Variants in RADIL observed in about 807,000 individuals in gnomAD.
The protein encoded by RADIL is Rap associating with DIL domain, also known as ras-associating and dilute domain-containing protein.
RADIL carries 99 observed loss-of-function variants against 97.6 expected under a neutral mutation model. The ratio of observed to expected loss-of-function variants is 1.01; its 90% CI spans 0.86 to 1.20. RADIL has a LOEUF of 1.20. Ranked by LOEUF, RADIL falls within the 50% of genes most tolerant of loss-of-function variation. The probability of loss-of-function intolerance (pLI) is 0.00; values close to 1 mark genes in which losing one functional copy is unlikely to be tolerated. For synonymous variants in RADIL, 803 were observed against 691.8 expected (o/e 1.16, Z -2.52); for missense variants, 1,765 against 1,498.9 (o/e 1.18, Z -2.93).
At chr7:4,859,884 C>T (rs1308002726) in intron 2 of RADIL, 1 of 1,554,706 alleles carries the variant, frequency 6.4e-7, no homozygotes, top group South Asian at 1.1e-5. Flanking sequence ...CAAGAATATC[C>T]TCTAGACTCC....
intron 2 of RADIL, chr7:4,858,407 T>G (rs970806944): frequency 3.9e-5 from 6 of 152,354 alleles, no homozygotes; most frequent in Non-Finnish European, 8.8e-5. Flanking sequence ...CTCTACTGCT[T>G]AATTATGAGA....
intron 5 of RADIL, among the ~76,000 whole-genome samples, chr7:4,827,066 A>T (rs982430654): frequency 6.6e-6 from 1 of 152,136 alleles, no homozygotes; most frequent in Admixed American, 6.6e-5. Context: ...TTCTAGGCCA[A>T]TAAGAATCAT....
Position 4,834,980 on chromosome 7 carries a change from C to A in RADIL, c.1043G>T (p.Gly348Val), listed in dbSNP as rs1307047129. ...CTTGAATAGCAGCAGGTAGTAGAGCCCCAGGGAGAGCAGGTCCCCGTGGTG... is the reference window on the plus strand; with the variant it reads ...CTTGAATAGCAGCAGGTAGTAGAGCACCAGGGAGAGCAGGTCCCCGTGGTG... ...VLHHGDLLSL[G>V]LYYLLLFKDP... Residue 348 changes from glycine to valine, a missense_variant, in exon 4 of 15, where the codon GGG (glycine) becomes GTG (valine). Physicochemically the swap from Gly to Val is moderately radical, Grantham distance 109. Coordinates refer to ENST00000399583, the MANE Select transcript of RADIL (RefSeq NM_018059.5). The surrounding 1 kb of genome is among the most constrained non-coding windows in gnomAD (Gnocchi z 6.0). 6.2e-7 allele frequency: 1 copy of A among 1,610,800 alleles called. No individual in the cohort carries two copies. Among genetic ancestry groups the A allele is most frequent in the Non-Finnish European group, 8.5e-7 (1 of 1,179,180 alleles).
rs1784282767 is a variant in RADIL at position 4,872,704 on chromosome 7, A to G, written c.535+4901T>C. Reference sequence around the variant, plus strand: ...GGAAATCAGGGGGAACCTGGTGGCTATGAGAAGGAGACATTTATGGAAAAC... The same window carrying G: ...GGAAATCAGGGGGAACCTGGTGGCTGTGAGAAGGAGACATTTATGGAAAAC... On this transcript the variant is annotated intron_variant, in intron 2 of 14. Coordinates refer to ENST00000399583, the MANE Select transcript of RADIL (RefSeq NM_018059.5). The surrounding 1 kb of genome is among the most constrained non-coding windows in gnomAD (Gnocchi z 5.8). 6.6e-6 allele frequency among the ~76,000 whole-genome samples: 1 copy of G among 152,150 alleles called. No homozygotes were observed. The highest frequency in any genetic ancestry group is 2.1e-4 in the South Asian group (1 of 4,828).
chr7:4,801,752 C>A lies in RADIL; in HGVS notation c.2743G>T (p.Gly915Trp), dbSNP rs190559381. ...CCGGACTCTGGCCAGTCGGGGTCCC[C>A]AGGCTCAGGGCCAAGTGGAGTGCTG... The part of the protein sequence containing the change: ...PPSTPLGPEP[G>W]DPDWPESGGP... The change falls in exon 12 of 15, where the codon GGG becomes TGG. Residue 915 changes from glycine (G) to tryptophan (W), a missense_variant. Physicochemically the swap from Gly to Trp is radical, Grantham distance 184. Transcript: ENST00000399583. 799 of 1,610,624 alleles carry A rather than the reference C, an allele frequency of 5.0e-4. 6 individuals are homozygous for A. The African/African-American group carries it at 7.9e-3, about 16-fold the overall frequency.
chr7:4,870,847 G>A (rs1484307359), intron 2 of RADIL, among the ~76,000 whole-genome samples: 1 of 152,148 alleles, frequency 6.6e-6, no homozygotes, highest in African/African-American at 2.4e-5. Flanking sequence ...GTAGCTGGAC[G>A]TCACCCGAGT....
Position 4,834,052 on chromosome 7 carries a change from G to A in RADIL, c.1416+555C>T, listed in dbSNP as rs1047269462. ...CTCCTGCCACAGTGTCCACAGGGCC[G>A]GGGATGAGAGAGGCTGGCCTGGAGG... On this transcript the variant is annotated intron_variant, in intron 4 of 14. Transcript: ENST00000399583. This position sits in a 1 kb window ranked among gnomAD's most constrained non-coding sequence, Gnocchi z 6.0. 6.6e-6 allele frequency among the ~76,000 whole-genome samples: 1 copy of A among 152,172 alleles called. No individual in the cohort carries two copies. Among genetic ancestry groups the A allele is most frequent in the Non-Finnish European group, 1.5e-5 (1 of 68,032 alleles).
At chr7:4,861,924 G>A (rs1046383365) in intron 2 of RADIL, 20 of 615,476 alleles carry the variant, frequency 3.2e-5, no homozygotes, top group Non-Finnish European at 4.7e-5. Flanking sequence ...GCCCTGGTCC[G>A]ACCCCACTCC....
At position 4,817,467 on chromosome 7, in the gene RADIL, G is replaced by A. The variant is rs537914259; in HGVS notation, c.1616-116C>T. The A allele has an allele frequency of 4.5e-3, 3,728 of 827,532 alleles. 17 individuals are homozygous for A. Among genetic ancestry groups the A allele is most frequent in the Non-Finnish European group, 5.7e-3 (3,077 of 537,838 alleles). 51.3% of individuals were successfully genotyped at this position (827,532 alleles called of 1,614,324 possible). On this transcript the variant is annotated intron_variant, in intron 6 of 14. Transcript: ENST00000399583. This position sits in a 1 kb window ranked among gnomAD's most constrained non-coding sequence, Gnocchi z 8.3. ...GGGCACCACCCAACGCGCCCATCTG[G>A]GGTCCAGATGCGATAAACTGGCCGA...
intron 1 of RADIL, among the ~76,000 whole-genome samples, chr7:4,881,101 T>TAAAAAA (rs58900044): frequency 1.8e-5 from 1 of 55,180 alleles, no homozygotes; most frequent in African/African-American, 6.1e-5. Context: ...CCCTCTCTGT[T>TAAAAAA]AAAAAAAAAA....
chr7:4,871,614 G>A (rs1418755662), intron 2 of RADIL, among the ~76,000 whole-genome samples: 2 of 152,224 alleles, frequency 1.3e-5, no homozygotes, highest in African/African-American at 4.8e-5. Flanking sequence ...CAGGGCTGCA[G>A]GTTCCTCTGT....
At chr7:4,856,682 A>C (rs1783839966) in intron 2 of RADIL, among the ~76,000 whole-genome samples, 1 of 152,242 alleles carries the variant, frequency 6.6e-6, no homozygotes, top group Admixed American at 6.5e-5. Flanking sequence ...TATAAATCAG[A>C]TACTTTGAAG....
intron 5 of RADIL, among the ~76,000 whole-genome samples, chr7:4,830,158 C>A (rs1330579269): frequency 6.6e-6 from 1 of 152,176 alleles, no homozygotes; most frequent in African/African-American, 2.4e-5. Context: ...GGCATTTAAC[C>A]ATATCACAGA....
At chr7:4,852,890 C>T (rs922057469) in intron 2 of RADIL, among the ~76,000 whole-genome samples, 1 of 152,142 alleles carries the variant, frequency 6.6e-6, no homozygotes, top group Non-Finnish European at 1.5e-5. Context: ...TATGCCTGTC[C>T]CACCCTTGCA....
At chr7:4,853,484 C>A (rs1006075510) in intron 2 of RADIL, among the ~76,000 whole-genome samples, 2 of 151,932 alleles carry the variant, frequency 1.3e-5, no homozygotes, top group African/African-American at 4.8e-5. Context: ...GGCTCACACC[C>A]GTAATCCCAG....
intron 2 of RADIL, among the ~76,000 whole-genome samples, chr7:4,874,247 C>T (rs1784318459): frequency 6.6e-6 from 1 of 152,220 alleles, no homozygotes; most frequent in African/African-American, 2.4e-5. Flanking sequence ...CATGTGTCAC[C>T]ACAACAACCG....
In RADIL at chr7:4,814,701, C is replaced by T. The variant is rs936243615; in HGVS notation, c.2139+577G>A. On this transcript the variant is annotated intron_variant, in intron 9 of 14. Transcript: ENST00000399583. This position sits in a 1 kb window ranked among gnomAD's most constrained non-coding sequence, Gnocchi z 4.5. ...CAGCTCCGCGGCTCCACAGCTCAGCCGGGTCTCACAGAGCTGACAGCAAGA... is the reference window on the plus strand; with the variant it reads ...CAGCTCCGCGGCTCCACAGCTCAGCTGGGTCTCACAGAGCTGACAGCAAGA... Among the ~76,000 whole-genome samples, 3 of 152,176 alleles carry T rather than the reference C, an allele frequency of 2.0e-5. No individual in the cohort carries two copies. The highest frequency in any genetic ancestry group is 6.5e-5 in the Admixed American group (1 of 15,288).
intron 2 of RADIL, chr7:4,865,714 T>C: frequency 9.7e-7 from 1 of 1,033,042 alleles, no homozygotes; most frequent in South Asian, 1.3e-5. Flanking sequence ...GATTCCATCT[T>C]CTACGGGGTG....
chr7:4,866,475 A>G (rs1219951353), intron 2 of RADIL, among the ~76,000 whole-genome samples: 1 of 152,212 alleles, frequency 6.6e-6, no homozygotes, highest in Non-Finnish European at 1.5e-5. Context: ...TTTCTCATCC[A>G]AGTCTCTGGC....
Sources: gnomAD v4.1 joint callset for allele counts (sites outside exome capture counted in the v4.1 genomes callset) on GRCh38, gnomAD v4.1.1 for gene constraint, Gnocchi (gnomAD v3.1) non-coding constraint, MANE v1.5 for transcripts, NCBI Gene and HGNC (gene_info 2026-07-23, HGNC 2026-07-21) for gene names.